Variants in MB21D2 observed in about 807,000 individuals in gnomAD.
The protein encoded by MB21D2 is Mab-21 domain containing 2.
A neutral mutation model predicts 33.3 loss-of-function variants in MB21D2; 9 were observed. The observed-to-expected ratio is 0.27, with a 90% confidence interval of 0.16 to 0.47. MB21D2 has a LOEUF of 0.47. Among genes scored for constraint, MB21D2 ranks in the 20% least tolerant of loss-of-function variants. The probability of loss-of-function intolerance (pLI) is 0.99; values close to 1 mark genes in which losing one functional copy is unlikely to be tolerated. For synonymous variants in MB21D2, 241 were observed against 236.3 expected (o/e 1.02, Z -0.18); for missense variants, 540 against 624.6 (o/e 0.86, Z 1.44).
intron 1 of MB21D2, among the ~76,000 whole-genome samples, chr3:192,833,375 G>A (rs1253142052): frequency 6.6e-6 from 1 of 152,042 alleles, no homozygotes; most frequent in Non-Finnish European, 1.5e-5. Flanking sequence ...ACAATCTGAC[G>A]CAACTATGGC....
chr3:192,798,344 A>G lies in MB21D2; in HGVS notation c.*42T>C. ...AGCATCACAAACCACACGACACATT[A>G]TCAGAGTTTAAGAATCAGGAAAAAA... On this transcript the variant is annotated 3_prime_UTR_variant, in exon 2 of 2. Coordinates refer to ENST00000392452, the MANE Select transcript of MB21D2 (RefSeq NM_178496.4). The surrounding 1 kb of genome is among the most constrained non-coding windows in gnomAD (Gnocchi z 4.8). 1 of 1,590,842 alleles carries G rather than the reference A, an allele frequency of 6.3e-7. No homozygotes were observed. Among genetic ancestry groups the G allele is most frequent in the Non-Finnish European group, 8.6e-7 (1 of 1,164,896 alleles).
At chr3:192,827,622 T>C (rs560589540) in intron 1 of MB21D2, among the ~76,000 whole-genome samples, 50 of 152,228 alleles carry the variant, frequency 3.3e-4, no homozygotes, top group Non-Finnish European at 5.0e-4. Flanking sequence ...AGGTGGAAAG[T>C]AGAGTCAGAA....
At chr3:192,834,733 G>C (rs1398159725) in intron 1 of MB21D2, among the ~76,000 whole-genome samples, 1 of 151,976 alleles carries the variant, frequency 6.6e-6, no homozygotes, top group Non-Finnish European at 1.5e-5. Flanking sequence ...TTTCTTTCTG[G>C]GATAGACTGA....
At chr3:192,801,789 G>T (rs1277548100) in intron 1 of MB21D2, among the ~76,000 whole-genome samples, 1 of 152,128 alleles carries the variant, frequency 6.6e-6, no homozygotes, top group Non-Finnish European at 1.5e-5. Flanking sequence ...CAGCCTGAAT[G>T]AACTAAGACA....
rs78060695 is a variant in MB21D2, at chr3:192,879,113, C to T, written c.211+38517G>A. ...GCCTTCCCTATCTCCCTAAAATTCA[C>T]ACTGATTCTAAAATCCACACATCAG... On this transcript the variant is annotated intron_variant, in intron 1 of 1. Transcript: ENST00000392452. Among the ~76,000 whole-genome samples the T allele has an allele frequency of 2.6e-5, 4 of 152,326 alleles. No individual in the cohort carries two copies. The East Asian group carries it at 7.7e-4, about 29-fold the overall frequency.
intron 1 of MB21D2, among the ~76,000 whole-genome samples, chr3:192,818,449 T>C (rs1335825125): frequency 2.0e-5 from 3 of 151,838 alleles, no homozygotes; most frequent in African/African-American, 7.3e-5. Flanking sequence ...CTAAAAAAAA[T>C]GTACTCAAAC....
At chr3:192,835,153 TA>T (rs1553857240) in intron 1 of MB21D2, among the ~76,000 whole-genome samples, 27,990 of 75,730 alleles carry the variant, frequency 0.37, 5,691 homozygotes, top group African/African-American at 0.63. Flanking sequence ...AAAGTGTCTT[TA>T]AAAAAAAAAA....
In MB21D2 at chr3:192,798,966, T is replaced by C; in HGVS notation, c.896A>G (p.Lys299Arg). The change falls in exon 2 of 2, where the codon AAG becomes AGG. Residue 299 changes from lysine (K) to arginine (R), a missense_variant. Physicochemically the swap from Lys to Arg is conservative, Grantham distance 26. Transcript: ENST00000392452. The surrounding 1 kb of genome is among the most constrained non-coding windows in gnomAD (Gnocchi z 4.8). ...LSFARSEVQL[K>R]KCISSSLMQA... ...CATGAGGCTGCTGGAGATGCACTTC[T>C]TCAACTGCACCTCGCTCCTGGCAAA... 1 of 1,614,076 alleles carries C rather than the reference T, an allele frequency of 6.2e-7. No homozygotes were observed. The highest frequency in any genetic ancestry group is 8.5e-7 in the Non-Finnish European group (1 of 1,179,996).
chr3:192,888,699 AG>A (rs1185480537), intron 1 of MB21D2, among the ~76,000 whole-genome samples: 1 of 152,110 alleles, frequency 6.6e-6, no homozygotes, highest in Non-Finnish European at 1.5e-5. Flanking sequence ...GTGAGCACGA[AG>A]CAGTTTATAT....
intron 1 of MB21D2, among the ~76,000 whole-genome samples, chr3:192,887,960 T>C (rs1713769535): frequency 6.6e-6 from 1 of 151,970 alleles, no homozygotes; most frequent in Non-Finnish European, 1.5e-5. Flanking sequence ...GGTCCCATAC[T>C]GAGGAACAAG....
chr3:192,840,194 T>C (rs1198874653), intron 1 of MB21D2, among the ~76,000 whole-genome samples: 1 of 152,088 alleles, frequency 6.6e-6, no homozygotes, highest in Non-Finnish European at 1.5e-5. Flanking sequence ...AACACAAAAA[T>C]TCGAGGCGTT....
At chr3:192,891,038 C>T (rs1183235216) in intron 1 of MB21D2, among the ~76,000 whole-genome samples, 4 of 152,086 alleles carry the variant, frequency 2.6e-5, no homozygotes, top group Non-Finnish European at 5.9e-5. Flanking sequence ...AAAAGGAATA[C>T]CACGCAGGGG....
At chr3:192,825,237 T>C (rs1171423548) in intron 1 of MB21D2, among the ~76,000 whole-genome samples, 1 of 152,204 alleles carries the variant, frequency 6.6e-6, no homozygotes, top group African/African-American at 2.4e-5. Flanking sequence ...CATGCTACTT[T>C]ACTTCTAGTT....
chr3:192,833,955 T>C (rs562887232), intron 1 of MB21D2, among the ~76,000 whole-genome samples: 4 of 152,272 alleles, frequency 2.6e-5, no homozygotes, highest in African/African-American at 7.2e-5. Flanking sequence ...ACTCACAATA[T>C]GGCATCACAA....
Position 192,871,198 on chromosome 3 carries a change from G to T in MB21D2, c.211+46432C>A, listed in dbSNP as rs1178936260. On this transcript the variant is annotated intron_variant, in intron 1 of 1. Coordinates refer to ENST00000392452, the MANE Select transcript of MB21D2 (RefSeq NM_178496.4). Reference sequence around the variant, plus strand: ...ATAGAATCCACTTTCCACCCACCCCGCCCTTGTTGACAATCACCTGGCATG... The same window carrying T: ...ATAGAATCCACTTTCCACCCACCCCTCCCTTGTTGACAATCACCTGGCATG... Among the ~76,000 whole-genome samples the T allele has an allele frequency of 2.6e-5, 4 of 151,898 alleles. No individual in the cohort carries two copies. The South Asian group carries it at 8.3e-4, about 32-fold the overall frequency.
At chr3:192,863,943 G>A (rs1007328922) in intron 1 of MB21D2, among the ~76,000 whole-genome samples, 7 of 152,150 alleles carry the variant, frequency 4.6e-5, no homozygotes, top group Non-Finnish European at 8.8e-5. Flanking sequence ...AACCCACCCA[G>A]TCTATGATAT....
chr3:192,875,077 G>A (rs1281682239), intron 1 of MB21D2, among the ~76,000 whole-genome samples: 1 of 151,580 alleles, frequency 6.6e-6, no homozygotes, highest in East Asian at 1.9e-4. Context: ...ATCTTCTACT[G>A]AGACCCCGAC....
At chr3:192,903,513 A>G (rs547455587) in intron 1 of MB21D2, among the ~76,000 whole-genome samples, 38 of 152,226 alleles carry the variant, frequency 2.5e-4, no homozygotes, top group Non-Finnish European at 5.0e-4. Context: ...ATTTCTGCCT[A>G]AAGCTAGACT....
chr3:192,871,203 TG>T (rs1203617608), intron 1 of MB21D2, among the ~76,000 whole-genome samples: 1 of 152,144 alleles, frequency 6.6e-6, no homozygotes, highest in Non-Finnish European at 1.5e-5. Flanking sequence ...ACCCCGCCCT[TG>T]TTGACAATCA....
Sources: gnomAD v4.1 joint callset for allele counts (sites outside exome capture counted in the v4.1 genomes callset) on GRCh38, gnomAD v4.1.1 for gene constraint, Gnocchi (gnomAD v3.1) non-coding constraint, MANE v1.5 for transcripts, NCBI Gene and HGNC (gene_info 2026-07-23, HGNC 2026-07-21) for gene names.